TMEM132D: variants seen among roughly 807,000 people sequenced by gnomAD.
The protein encoded by TMEM132D is transmembrane protein 132D, also known as mature OL transmembrane protein.
Under a neutral mutation model 62.3 loss-of-function variants are expected in TMEM132D, and 21 were observed. The ratio of observed to expected loss-of-function variants is 0.34; its 90% CI spans 0.24 to 0.49. The LOEUF (loss-of-function observed/expected upper bound fraction) is 0.49. TMEM132D is among the 20% of genes least tolerant of loss of function. The probability of loss-of-function intolerance (pLI) is 0.99; values close to 1 mark genes in which losing one functional copy is unlikely to be tolerated. For synonymous variants in TMEM132D, 621 were observed against 575.6 expected, an observed-to-expected ratio of 1.08 and a Z score of -1.13; for missense variants, 1,346 against 1,402.8, an observed-to-expected ratio of 0.96 and a Z score of 0.65.
At chr12:129,323,316 G>A (rs1420826468) in intron 4 of TMEM132D, among the ~76,000 whole-genome samples, 4 of 152,006 alleles carry the variant, frequency 2.6e-5, no homozygotes, top group Non-Finnish European at 5.9e-5. Context: ...ATTCTCTGAT[G>A]CACACCATCG....
At chr12:129,701,547 G>A (rs755197932) in intron 1 of TMEM132D, among the ~76,000 whole-genome samples, 6 of 152,288 alleles carry the variant, frequency 3.9e-5, no homozygotes, top group South Asian at 2.1e-4. Context: ...ACACTACGCC[G>A]TCACCAACGA....
At chr12:129,340,803 G>T (rs11060259) in intron 3 of TMEM132D, among the ~76,000 whole-genome samples, 4 of 152,002 alleles carry the variant, frequency 2.6e-5, no homozygotes, top group Admixed American at 1.3e-4. Flanking sequence ...TGTTTATTGC[G>T]GCACTATTCA....
chr12:129,174,888 G>A (rs1877858451), intron 5 of TMEM132D, among the ~76,000 whole-genome samples: 1 of 152,180 alleles, frequency 6.6e-6, no homozygotes, highest in South Asian at 2.1e-4. Flanking sequence ...TTTGAGAAGT[G>A]TCTGTTCATG....
At chr12:129,589,739 A>C (rs552325318) in intron 2 of TMEM132D, among the ~76,000 whole-genome samples, 1 of 152,190 alleles carries the variant, frequency 6.6e-6, no homozygotes, top group Non-Finnish European at 1.5e-5. Context: ...CTACAGCCAC[A>C]GTCCCTCGGC....
chr12:129,777,529 C>T (rs1593157965), intron 1 of TMEM132D, among the ~76,000 whole-genome samples: 1 of 152,292 alleles, frequency 6.6e-6, no homozygotes, highest in East Asian at 1.9e-4. Context: ...GCAGCAACTT[C>T]AGCAAGCTAC....
At chr12:129,078,976 C>T (rs1236045648) in intron 7 of TMEM132D, among the ~76,000 whole-genome samples, 1 of 152,198 alleles carries the variant, frequency 6.6e-6, no homozygotes, top group Admixed American at 6.5e-5. Flanking sequence ...TCTCCCCACA[C>T]CCCACACATC....
chr12:129,782,244 C>T (rs1251910889), intron 1 of TMEM132D, among the ~76,000 whole-genome samples: 3 of 152,196 alleles, frequency 2.0e-5, no homozygotes, highest in African/African-American at 7.2e-5. Flanking sequence ...TTGAGCACCA[C>T]GTCGGCACTC....
chr12:129,565,340 TAAAG>T (rs923355606), intron 2 of TMEM132D, among the ~76,000 whole-genome samples: 1 of 152,120 alleles, frequency 6.6e-6, no homozygotes, highest in Non-Finnish European at 1.5e-5. Flanking sequence ...GGCAGGGACT[TAAAG>T]AAAGAGTTTG....
chr12:129,477,682 G>A (rs183412650), intron 3 of TMEM132D, among the ~76,000 whole-genome samples: 145 of 152,218 alleles, frequency 9.5e-4, no homozygotes, highest in African/African-American at 3.3e-3. Context: ...TTAGCTGGGC[G>A]TGGTGGTGGG....
chr12:129,878,624 T>C (rs976443417), intron 1 of TMEM132D, among the ~76,000 whole-genome samples: 5 of 151,730 alleles, frequency 3.3e-5, no homozygotes, highest in Admixed American at 6.6e-5. Flanking sequence ...GTGCCCAGGC[T>C]GGAGTGCAGT....
At chr12:129,164,171 G>A (rs1311841074) in intron 5 of TMEM132D, among the ~76,000 whole-genome samples, 1 of 152,204 alleles carries the variant, frequency 6.6e-6, no homozygotes, top group Non-Finnish European at 1.5e-5. Context: ...GGAAGCTGGT[G>A]GGAGATAATC....
At chr12:129,357,295 GAA>G in intron 3 of TMEM132D, among the ~76,000 whole-genome samples, 1 of 143,210 alleles carries the variant, frequency 7.0e-6, no homozygotes, top group Middle Eastern at 3.8e-3. Context: ...GAAGGAGAAA[GAA>G]AGAAAGAAGG....
At chr12:129,482,703 A>G (rs1035827270) in intron 3 of TMEM132D, among the ~76,000 whole-genome samples, 3 of 152,252 alleles carry the variant, frequency 2.0e-5, no homozygotes, top group Non-Finnish European at 4.4e-5. Context: ...ATCAATTTCA[A>G]ACAAATTCTG....
chr12:129,128,947 A>G (rs1395286996), intron 5 of TMEM132D, among the ~76,000 whole-genome samples: 1 of 149,482 alleles, frequency 6.7e-6, no homozygotes, highest in Non-Finnish European at 1.5e-5. Flanking sequence ...TCATGGCTGC[A>G]TAGTATTCTC....
rs1870980554 is a variant in TMEM132D at position 129,777,541 on chromosome 12, G to A, written c.80-76843C>T. Among the ~76,000 whole-genome samples, 3 of 152,114 alleles carry A rather than the reference G, an allele frequency of 2.0e-5. No individual in the cohort carries two copies. In the South Asian group the frequency reaches 6.2e-4, roughly 32 times the overall value. ...CAAGCAGCAACTTCAGCAAGCTACT[G>A]CAACTACTGCAGAAATAATAACAGA... is the stretch of plus-strand genomic sequence containing the variant. On this transcript the variant is annotated intron_variant, in intron 1 of 8. Coordinates refer to ENST00000422113, the MANE Select transcript of TMEM132D (RefSeq NM_133448.3).
chr12:129,480,279 AG>A (rs1370153498), intron 3 of TMEM132D, among the ~76,000 whole-genome samples: 2 of 152,220 alleles, frequency 1.3e-5, no homozygotes, highest in African/African-American at 4.8e-5. Context: ...GAGAAGGAAC[AG>A]GGGAGCCATA....
rs77347398 is a variant in TMEM132D at position 129,586,301 on chromosome 12, C to T, written c.969-55096G>A. Among the ~76,000 whole-genome samples, 1,345 of 152,196 alleles carry T rather than the reference C, an allele frequency of 8.8e-3. 16 individuals are homozygous for T. The highest frequency in any genetic ancestry group is 0.031 in the African/African-American group (1,277 of 41,482). ...CCAACTTCAAGGCCACCTTCAAGGC[C>T]ACCTTCAAGGCCATCTGCCACAGAT... On this transcript the variant is annotated intron_variant, in intron 2 of 8. Coordinates refer to ENST00000422113, the MANE Select transcript of TMEM132D (RefSeq NM_133448.3).
intron 2 of TMEM132D, among the ~76,000 whole-genome samples, chr12:129,665,139 C>A (rs1435474382): frequency 1.3e-5 from 2 of 151,990 alleles, no homozygotes; most frequent in African/African-American, 4.8e-5. Context: ...CAGATCCTAC[C>A]CCAGACCCTA....
chr12:129,587,959 A>G (rs1379655635), intron 2 of TMEM132D, among the ~76,000 whole-genome samples: 2 of 152,202 alleles, frequency 1.3e-5, no homozygotes, highest in Non-Finnish European at 2.9e-5. Context: ...ATCCTGGTGC[A>G]GACAGACCTG....
Sources: allele counts gnomAD v4.1 joint callset (sites outside exome capture counted in the v4.1 genomes callset), GRCh38; gene constraint gnomAD v4.1.1; transcripts MANE v1.5; gene names NCBI Gene and HGNC (gene_info 2026-07-23, HGNC 2026-07-21).